Variants in TAF4 observed in about 807,000 individuals in gnomAD.
TAF4 encodes transcription initiation factor TFIID subunit 4.
Under a neutral mutation model 90.3 loss-of-function variants are expected in TAF4, and 9 were observed. The observed-to-expected ratio is 0.10, with a 90% CI of 0.06 to 0.17. The LOEUF (loss-of-function observed/expected upper bound fraction) is 0.17, where lower values mean the gene tolerates loss of function less well. Ranked by LOEUF, TAF4 falls within the 10% of genes least tolerant of loss-of-function variation. The pLI is 1.00. For synonymous variants in TAF4, 818 were observed against 638.9 expected, an observed-to-expected ratio of 1.28 and a Z score of -4.23; for missense variants, 1,351 against 1,370.7, an observed-to-expected ratio of 0.99 and a Z score of 0.23.
At position 62,006,949 on chromosome 20, in the gene TAF4, T is replaced by G; in HGVS notation, c.1975-191A>C. ...CTGCCCTCCCACTAAGTGGGATTAT[T>G]CCTGATAGCAAATGTCCAAAATGTG... On this transcript the variant is annotated intron_variant, in intron 6 of 14. Coordinates refer to ENST00000252996, the MANE Select transcript of TAF4 (RefSeq NM_003185.4). The surrounding 1 kb of genome is among the most constrained non-coding windows in gnomAD (Gnocchi z 7.0). 1.5e-6 allele frequency: 1 copy of G among 654,650 alleles called. No homozygotes were observed. The highest frequency in any genetic ancestry group is 2.2e-6 in the Non-Finnish European group (1 of 454,042). The allele number at this position is 654,650 out of a possible 1,614,324, so 40.6% of individuals were successfully genotyped here.
At chr20:62,064,258 A>G in intron 1 of TAF4, 193 bp downstream of exon 1, 1 of 523,638 alleles carries the variant, frequency 1.9e-6, no homozygotes. Flanking sequence ...GGCTATGCCG[A>G]CTCCCTCTGG....
In TAF4 at chr20:62,014,663, G is replaced by C. The variant is rs776893794; in HGVS notation, c.1405C>G (p.Pro469Ala). 1 of 1,614,030 alleles carries C rather than the reference G, an allele frequency of 6.2e-7. No homozygotes were observed. Among genetic ancestry groups the C allele is most frequent in the South Asian group, 1.1e-5 (1 of 91,076 alleles). Residue 469 changes from proline to alanine, a missense_variant, in exon 2 of 15, where the codon CCT becomes GCT. Coordinates refer to ENST00000252996, the MANE Select transcript of TAF4 (RefSeq NM_003185.4). ...RSENGQLLMI[P>A]QQALAQMQAQ... Reference sequence around the variant, plus strand: ...TGCATCTGGGCCAAGGCCTGCTGAGGAATCATTAACAACTGCCCATTCTCA... The same window carrying C: ...TGCATCTGGGCCAAGGCCTGCTGAGCAATCATTAACAACTGCCCATTCTCA...
intron 7 of TAF4, 70 bp from the exon 8 acceptor site, chr20:62,003,948 G>A (rs2055725651): frequency 6.7e-7 from 1 of 1,482,110 alleles, no homozygotes; most frequent in Non-Finnish European, 8.9e-7. Context: ...TCCCTAGCAG[G>A]AGGTTCTTCC....
At chr20:62,019,518 C>G (rs2055830625) in intron 1 of TAF4, among the ~76,000 whole-genome samples, 1 of 152,256 alleles carries the variant, frequency 6.6e-6, no homozygotes, top group Admixed American at 6.5e-5. Context: ...ACTCTCCACT[C>G]TCCCAGCGGT....
At chr20:62,057,012 C>T (rs1225078690) in intron 1 of TAF4, among the ~76,000 whole-genome samples, 6 of 152,202 alleles carry the variant, frequency 3.9e-5, no homozygotes, top group African/African-American at 9.7e-5. Flanking sequence ...GAGCACCGTG[C>T]GTGGCTCCTA....
In TAF4 at chr20:62,065,463, G is replaced by A. The variant is rs2056125128; in HGVS notation, c.348C>T (p.Pro116=). ...GPPSPRRPLV[P]AGPAPPAAKL... is the part of the protein sequence containing the mutation. Reference sequence around the variant, plus strand: ...TCGCGGCGGGCGGCGCGGGCCCTGCGGGGACAAGGGGGCGGCGCGGTGAGG... The same window carrying A: ...TCGCGGCGGGCGGCGCGGGCCCTGCAGGGACAAGGGGGCGGCGCGGTGAGG... Residue 116 remains proline, a synonymous_variant, in exon 1 of 15, where the codon CCC becomes CCT. Coordinates refer to ENST00000252996, the MANE Select transcript of TAF4 (RefSeq NM_003185.4). The A allele has an allele frequency of 1.0e-6, 1 of 976,346 alleles. No individual in the cohort carries two copies. The highest frequency in any genetic ancestry group is 1.8e-5 in the African/African-American group (1 of 56,242). The allele number at this position is 976,346 out of a possible 1,614,324, so 60.5% of individuals were successfully genotyped here.
chr20:62,029,645 C>T (rs978540556), intron 1 of TAF4, among the ~76,000 whole-genome samples: 4 of 152,168 alleles, frequency 2.6e-5, no homozygotes, highest in African/African-American at 7.2e-5. Flanking sequence ...TGGTGGCTCA[C>T]GCCTGTAATC....
At chr20:62,015,790 T>C (rs892192203) in intron 1 of TAF4, among the ~76,000 whole-genome samples, 12 of 152,230 alleles carry the variant, frequency 7.9e-5, no homozygotes, top group African/African-American at 2.9e-4. Context: ...TCCTGCGCTA[T>C]GACGCTGGGG....
chr20:61,985,111 C>G lies in TAF4; in HGVS notation c.3091-8776G>C, dbSNP rs544883827. ...ACGTTTTTGTACAGTTCTGACTCTC[C>G]GGACCATGGCAACGCTCCACCTCTC... is the stretch of plus-strand genomic sequence containing the variant. On this transcript the variant is annotated intron_variant, in intron 14 of 14. Coordinates refer to ENST00000252996, the MANE Select transcript of TAF4 (RefSeq NM_003185.4). 2.8e-5 allele frequency among the ~76,000 whole-genome samples: 3 copies of G among 105,906 alleles called. No individual in the cohort carries two copies. The South Asian group carries it at 8.5e-4, about 30-fold the overall frequency. 69.5% of individuals were successfully genotyped at this position (105,906 alleles called of 152,430 possible). A position where few individuals can be genotyped will look rare whatever the true frequency, so the allele number is the denominator to read the frequency against.
chr20:62,056,477 C>T (rs2056064784), intron 1 of TAF4, among the ~76,000 whole-genome samples: 1 of 152,064 alleles, frequency 6.6e-6, no homozygotes, highest in Non-Finnish European at 1.5e-5. Flanking sequence ...CTCAACCCAC[C>T]AGACACACAC....
At chr20:61,976,643 T>A (rs916094343) in intron 14 of TAF4, among the ~76,000 whole-genome samples, 9 of 152,190 alleles carry the variant, frequency 5.9e-5, no homozygotes, top group Admixed American at 3.9e-4. Context: ...CCAAGGCAAA[T>A]GGCTGAGCGG....
At chr20:62,009,975 C>T in intron 4 of TAF4, 71 bp downstream of exon 4, 1 of 1,600,230 alleles carries the variant, frequency 6.2e-7, no homozygotes. Context: ...CCTGAGGTCT[C>T]AAGGCTGCAT....
chr20:62,047,919 A>G (rs1330345350), intron 1 of TAF4, among the ~76,000 whole-genome samples: 2 of 152,198 alleles, frequency 1.3e-5, no homozygotes, highest in African/African-American at 4.8e-5. Flanking sequence ...ATGTTCAAAC[A>G]CGGGCGCTGC....
intron 1 of TAF4, among the ~76,000 whole-genome samples, chr20:62,018,674 TGAGGAATG>T (rs2055826195): frequency 6.6e-6 from 1 of 152,144 alleles, no homozygotes; most frequent in African/African-American, 2.4e-5. Flanking sequence ...CAGGTCTTTG[TGAGGAATG>T]CAGAGAGGAG....
At chr20:62,040,433 A>T (rs1287738569) in intron 1 of TAF4, among the ~76,000 whole-genome samples, 3 of 152,274 alleles carry the variant, frequency 2.0e-5, no homozygotes, top group Non-Finnish European at 4.4e-5. Flanking sequence ...TCACAGTGAC[A>T]GCAGCAGCTC....
chr20:62,057,050 G>A (rs1201593328), intron 1 of TAF4, among the ~76,000 whole-genome samples: 2 of 152,008 alleles, frequency 1.3e-5, no homozygotes, highest in African/African-American at 4.8e-5. Context: ...ACGCTCCTCC[G>A]CAGAAGACAC....
At chr20:62,028,567 T>C (rs937586937) in intron 1 of TAF4, among the ~76,000 whole-genome samples, 1 of 152,118 alleles carries the variant, frequency 6.6e-6, no homozygotes, top group African/African-American at 2.4e-5. Flanking sequence ...CGACTGTATC[T>C]GGCGCCATCA....
At chr20:62,062,848 G>A (rs1198989052) in intron 1 of TAF4, among the ~76,000 whole-genome samples, 7 of 152,180 alleles carry the variant, frequency 4.6e-5, no homozygotes, top group Non-Finnish European at 1.5e-5. Flanking sequence ...CCACAAGACA[G>A]AGTCCAATAC....
rs528053146 is a variant in TAF4, at chr20:62,009,944, G to A, written c.1761+102C>T. On this transcript the variant is annotated intron_variant, in intron 4 of 14. Coordinates refer to ENST00000252996, the MANE Select transcript of TAF4 (RefSeq NM_003185.4). ...CACTGCTTTGTGAAGCAAGCAGTGAGCGGTCTGGGACAGAAGCCGGCCTGA... is the reference window on the plus strand; with the variant it reads ...CACTGCTTTGTGAAGCAAGCAGTGAACGGTCTGGGACAGAAGCCGGCCTGA... The A allele has an allele frequency of 2.6e-6, 4 of 1,552,936 alleles. No individual in the cohort carries two copies. In the East Asian group the frequency reaches 6.8e-5, roughly 26 times the overall value.
Sources: allele counts gnomAD v4.1 joint callset (sites outside exome capture counted in the v4.1 genomes callset), GRCh38; gene constraint gnomAD v4.1.1; non-coding constraint Gnocchi (gnomAD v3.1); transcripts MANE v1.5; gene names NCBI Gene and HGNC (gene_info 2026-07-23, HGNC 2026-07-21).